ZNF251: variants seen among roughly 807,000 people sequenced by gnomAD.
The protein encoded by ZNF251 is zinc finger protein 251.
A neutral mutation model predicts 13.5 loss-of-function variants in ZNF251; 14 were observed. That is an observed-to-expected ratio of 1.04 (90% CI 0.69 to 1.63). The LOEUF (loss-of-function observed/expected upper bound fraction) is 1.63. ZNF251 is among the 40% of genes most tolerant of loss of function. ZNF251 has a pLI of 0.00. For synonymous variants in ZNF251, 287 were observed against 295.2 expected, an observed-to-expected ratio of 0.97 and a Z score of 0.28; for missense variants, 764 against 834.9, an observed-to-expected ratio of 0.92 and a Z score of 1.05.
Position 144,723,217 on chromosome 8 carries a change from C to A in ZNF251, c.443G>T (p.Gly148Val), listed in dbSNP as rs1341293989. ...GTTCAAACTCTGCCCGGCAGAATTT[C>A]CCACGCGCTCTTTGAGTTTGCCCTC... ...GREGKLKERV[G>V]NSAGQSLNKP... The change falls in exon 5 of 5, where the codon GGA (glycine) becomes GTA (valine). Residue 148 changes from glycine (G) to valine (V), a missense_variant. Coordinates refer to ENST00000292562, the MANE Select transcript of ZNF251 (RefSeq NM_138367.2). The A allele has an allele frequency of 3.1e-6, 5 of 1,613,384 alleles. No individual in the cohort carries two copies. In the South Asian group the frequency reaches 5.5e-5, roughly 18 times the overall value.
At chr8:144,738,781 TTC>T (rs1385404103) in intron 4 of ZNF251, 4 of 984,030 alleles carry the variant, frequency 4.1e-6, no homozygotes, top group Non-Finnish European at 4.8e-6. Flanking sequence ...AACAGCACAG[TTC>T]TCTCATTCAA....
At chr8:144,744,835 C>A (rs1421280046) in intron 4 of ZNF251, among the ~76,000 whole-genome samples, 1 of 152,226 alleles carries the variant, frequency 6.6e-6, no homozygotes. Context: ...GCGGGCGGAT[C>A]ACCTGAGGTC....
chr8:144,751,305 C>A (rs1342840171), intron 4 of ZNF251, among the ~76,000 whole-genome samples: 5 of 152,182 alleles, frequency 3.3e-5, no homozygotes, highest in African/African-American at 1.2e-4. Context: ...AGCTAAAATA[C>A]TATTTATTTG....
chr8:144,748,877 A>G (rs1824556038), intron 4 of ZNF251, among the ~76,000 whole-genome samples: 1 of 152,204 alleles, frequency 6.6e-6, no homozygotes, highest in African/African-American at 2.4e-5. Context: ...TTCCTTATAG[A>G]AAACACAGTT....
chr8:144,743,284 G>C (rs903977815), intron 4 of ZNF251, among the ~76,000 whole-genome samples: 38 of 152,154 alleles, frequency 2.5e-4, no homozygotes, highest in East Asian at 3.9e-4. Context: ...GGCTCGTCTC[G>C]AACTGCTGAC....
At chr8:144,746,356 A>G (rs937929890) in intron 4 of ZNF251, among the ~76,000 whole-genome samples, 4 of 152,218 alleles carry the variant, frequency 2.6e-5, no homozygotes, top group Non-Finnish European at 5.9e-5. Flanking sequence ...GTCATGGTAT[A>G]TAATTCTTTT....
chr8:144,729,465 T>C (rs1360161177), intron 4 of ZNF251, among the ~76,000 whole-genome samples: 3 of 150,814 alleles, frequency 2.0e-5, no homozygotes, highest in Admixed American at 1.3e-4. Context: ...GCCTCCCGAG[T>C]AGCTGGGACT....
At chr8:144,737,780 C>T (rs1047501447) in intron 4 of ZNF251, among the ~76,000 whole-genome samples, 7 of 141,664 alleles carry the variant, frequency 4.9e-5, no homozygotes, top group Non-Finnish European at 7.5e-5. Context: ...TGCAGTGAGC[C>T]GAGATCGAGA....
At chr8:144,753,078 GT>G (rs1304818303) in intron 4 of ZNF251, among the ~76,000 whole-genome samples, 2 of 151,818 alleles carry the variant, frequency 1.3e-5, no homozygotes, top group African/African-American at 4.8e-5. Flanking sequence ...TTTAAGACCA[GT>G]TTGGGCAACG....
chr8:144,728,662 CA>C (rs573364533), intron 4 of ZNF251, among the ~76,000 whole-genome samples: 962 of 56,342 alleles, frequency 0.017, 7 homozygotes, highest in African/African-American at 0.041. Flanking sequence ...GGCTCCGTCT[CA>C]AAAAAAAAAA....
chr8:144,745,563 T>G (rs1184031448), intron 4 of ZNF251, among the ~76,000 whole-genome samples: 1 of 152,128 alleles, frequency 6.6e-6, no homozygotes, highest in African/African-American at 2.4e-5. Context: ...TTTCGTTTTT[T>G]AGAGACAGGG....
intron 4 of ZNF251, among the ~76,000 whole-genome samples, chr8:144,732,742 G>A (rs1289720302): frequency 2.4e-4 from 37 of 151,490 alleles, no homozygotes; most frequent in South Asian, 2.3e-3. Context: ...AACCCGGGAG[G>A]CGGAGCTTGC....
At chr8:144,743,797 T>C (rs1445774067) in intron 4 of ZNF251, among the ~76,000 whole-genome samples, 1 of 152,194 alleles carries the variant, frequency 6.6e-6, no homozygotes, top group Non-Finnish European at 1.5e-5. Flanking sequence ...TGCAGTTCCT[T>C]AGAGATATGA....
Position 144,734,812 on chromosome 8 carries a change from G to A in ZNF251, c.278-11430C>T, listed in dbSNP as rs1218184565. On this transcript the variant is annotated intron_variant, in intron 4 of 4. Transcript: ENST00000292562. The surrounding 1 kb of genome is among the most constrained non-coding windows in gnomAD (Gnocchi z 4.4). ...TTGCAGGCCGGGCGTGGTAGCTCAC[G>A]CCTGTAATCCCAGCACTTTGGGAGG... Among the ~76,000 whole-genome samples the A allele has an allele frequency of 2.6e-5, 4 of 152,218 alleles. No homozygotes were observed. The highest frequency in any genetic ancestry group is 7.2e-5 in the African/African-American group (3 of 41,458).
intron 4 of ZNF251, among the ~76,000 whole-genome samples, chr8:144,741,351 CACACACACTCAT>C (rs1305600161): frequency 6.6e-6 from 1 of 152,102 alleles, no homozygotes; most frequent in African/African-American, 2.4e-5. Context: ...CACAGATGTA[CACACACACTCAT>C]ACACACACTC....
chr8:144,735,376 C>T (rs900512870), intron 4 of ZNF251, among the ~76,000 whole-genome samples: 31 of 119,774 alleles, frequency 2.6e-4, no homozygotes, highest in African/African-American at 8.9e-4. Flanking sequence ...AGCAAGACTC[C>T]GTCTCAAAAA....
chr8:144,726,801 C>T (rs992650911), intron 4 of ZNF251, among the ~76,000 whole-genome samples: 19 of 151,636 alleles, frequency 1.3e-4, no homozygotes, highest in Non-Finnish European at 1.9e-4. Flanking sequence ...ACCCGGGAGG[C>T]GGAGCTTGCA....
intron 4 of ZNF251, among the ~76,000 whole-genome samples, chr8:144,733,972 C>CA (rs1446970919): frequency 6.6e-6 from 1 of 152,258 alleles, no homozygotes; most frequent in African/African-American, 2.4e-5. Flanking sequence ...TCTGGGAAGA[C>CA]AGAGATGCCG....
At position 144,722,933 on chromosome 8, in the gene ZNF251, C is replaced by A. The variant is rs202070894; in HGVS notation, c.727G>T (p.Gly243Trp). ...TTTGAGCTGTGAGTAAAGGCTCGCC[C>A]ACACCGGCCACATTCGTACGGCTTC... ...GEKPYECGRC[G>W]RAFTHSSNLV... Residue 243 changes from glycine to tryptophan, a missense_variant, in exon 5 of 5, where the codon GGG (glycine) becomes TGG (tryptophan). Physicochemically the swap from Gly to Trp is radical, Grantham distance 184. Transcript: ENST00000292562. The surrounding 1 kb of genome is among the most constrained non-coding windows in gnomAD (Gnocchi z 4.8). 1.8e-5 allele frequency: 29 copies of A among 1,614,004 alleles called. No homozygotes were observed. The East Asian group carries it at 6.2e-4, about 35-fold the overall frequency.
Sources: gnomAD v4.1 joint callset for allele counts (sites outside exome capture counted in the v4.1 genomes callset) on GRCh38, gnomAD v4.1.1 for gene constraint, Gnocchi (gnomAD v3.1) non-coding constraint, MANE v1.5 for transcripts, NCBI Gene and HGNC (gene_info 2026-07-23, HGNC 2026-07-21) for gene names.